The following MYO3B variants were observed in gnomAD, a reference collection of about 807,000 sequenced individuals.
The protein encoded by MYO3B is myosin-IIIb.
MYO3B carries 156 observed loss-of-function variants against 174.6 expected under a neutral mutation model. The observed-to-expected ratio is 0.89, with a 90% CI of 0.78 to 1.02. The LOEUF (loss-of-function observed/expected upper bound fraction) is 1.02. Ranked by LOEUF, MYO3B falls within the 50% of genes least tolerant of loss-of-function variation. The probability of loss-of-function intolerance (pLI) is 0.00; values close to 1 mark genes in which losing one functional copy is unlikely to be tolerated. For missense variants in MYO3B, 1,632 were observed against 1,639.4 expected (o/e 1.00, Z 0.08); for synonymous variants, 563 against 569.1 (o/e 0.99, Z 0.15).
At chr2:170,608,553 G>A (rs928982765) in intron 32 of MYO3B, among the ~76,000 whole-genome samples, 3 of 151,932 alleles carry the variant, frequency 2.0e-5, no homozygotes, top group East Asian at 1.9e-4. Context: ...TCTTGTTACC[G>A]TTTACATGTC....
chr2:170,297,606 C>A (rs968191058), intron 7 of MYO3B, among the ~76,000 whole-genome samples: 4 of 152,040 alleles, frequency 2.6e-5, no homozygotes, highest in Non-Finnish European at 5.9e-5. Flanking sequence ...AATGTGATTG[C>A]GATTATCCCC....
chr2:170,533,506 C>T (rs1689488580), intron 30 of MYO3B, among the ~76,000 whole-genome samples: 1 of 152,018 alleles, frequency 6.6e-6, no homozygotes, highest in Non-Finnish European at 1.5e-5. Flanking sequence ...TCTGAAGTTT[C>T]CTTTTTCTCT....
At chr2:170,577,185 G>A (rs1692837251) in intron 32 of MYO3B, among the ~76,000 whole-genome samples, 1 of 152,234 alleles carries the variant, frequency 6.6e-6, no homozygotes, top group African/African-American at 2.4e-5. Context: ...GTTGTGAGGA[G>A]AAAGAGCAAA....
At chr2:170,330,976 C>A (rs2093907776) in intron 7 of MYO3B, among the ~76,000 whole-genome samples, 1 of 152,144 alleles carries the variant, frequency 6.6e-6, no homozygotes, top group Non-Finnish European at 1.5e-5. Flanking sequence ...TGAATTCATT[C>A]AAAAAATTTA....
At chr2:170,602,095 C>G (rs1448930195) in intron 32 of MYO3B, 1 of 1,175,214 alleles carries the variant, frequency 8.5e-7, no homozygotes, top group Non-Finnish European at 1.3e-6. Context: ...CCTCTCTGAG[C>G]ACTTCTTAGA....
chr2:170,525,632 G>A (rs1688950401), intron 30 of MYO3B, among the ~76,000 whole-genome samples: 1 of 152,166 alleles, frequency 6.6e-6, no homozygotes, highest in South Asian at 2.1e-4. Context: ...AGAGTGATGG[G>A]AACCTCCGTG....
intron 32 of MYO3B, among the ~76,000 whole-genome samples, chr2:170,578,711 G>A (rs146078212): frequency 7.2e-4 from 109 of 152,192 alleles, no homozygotes; most frequent in African/African-American, 2.5e-3. Flanking sequence ...AAATATTTCC[G>A]ATGTTCACTG....
At chr2:170,413,805 C>T (rs2094560871) in intron 22 of MYO3B, among the ~76,000 whole-genome samples, 2 of 151,852 alleles carry the variant, frequency 1.3e-5, no homozygotes, top group Non-Finnish European at 2.9e-5. Flanking sequence ...TTTGGGAGGC[C>T]GAGGCGGGTG....
At chr2:170,351,216 T>C (rs2094065377) in intron 8 of MYO3B, 1 of 152,078 alleles carries the variant, frequency 6.6e-6, no homozygotes, top group South Asian at 2.1e-4. Context: ...GTAAAAAGAC[T>C]AACAGGGCTC....
chr2:170,367,177 T>C (rs1475064617), intron 8 of MYO3B, among the ~76,000 whole-genome samples: 2 of 152,210 alleles, frequency 1.3e-5, no homozygotes, highest in Admixed American at 1.3e-4. Context: ...GTCCTTTTGT[T>C]CATTCTTTCT....
At chr2:170,376,447 C>T (rs6707288) in intron 9 of MYO3B, among the ~76,000 whole-genome samples, 14,518 of 152,130 alleles carry the variant, frequency 0.095, 1,628 homozygotes, top group African/African-American at 0.26. Flanking sequence ...ACTCTATTCT[C>T]AGTTTTGAGT....
intron 12 of MYO3B, among the ~76,000 whole-genome samples, chr2:170,384,109 C>T (rs563323126): frequency 3.3e-5 from 5 of 152,238 alleles, no homozygotes; most frequent in South Asian, 2.1e-4. Flanking sequence ...ACAGTGCAAA[C>T]GCAACCTGAT....
At chr2:170,629,170 G>T (rs1055456649) in intron 32 of MYO3B, among the ~76,000 whole-genome samples, 1 of 152,222 alleles carries the variant, frequency 6.6e-6, no homozygotes, top group Non-Finnish European at 1.5e-5. Flanking sequence ...GGCATAAACT[G>T]TCAAAAGTTT....
At position 170,542,945 on chromosome 2, in the gene MYO3B, C is replaced by CT; in HGVS notation, c.3617dup (p.Ala1207ArgfsTer13). The CT allele has an allele frequency of 1.9e-6, 3 of 1,610,068 alleles. No homozygotes were observed. The highest frequency in any genetic ancestry group is 2.5e-6 in the Non-Finnish European group (3 of 1,177,796). The stretch of plus-strand genomic sequence containing the variant: ...AGAGTTCTCCAAAAGGGTGCGATAT[C>CT]TTCGCAGGACATGCAAACAAGGTAG... On this transcript the variant is annotated frameshift_variant, in exon 31 of 35. Coordinates refer to ENST00000408978, the MANE Select transcript of MYO3B (RefSeq NM_138995.5). LOFTEE classifies it high-confidence loss of function.
At chr2:170,443,544 T>C (rs931949252) in intron 22 of MYO3B, among the ~76,000 whole-genome samples, 26 of 152,290 alleles carry the variant, frequency 1.7e-4, no homozygotes, top group African/African-American at 6.3e-4. Context: ...GCTTTTGGTG[T>C]TTTAGTCATG....
At chr2:170,512,904 T>G (rs1231336743) in intron 28 of MYO3B, among the ~76,000 whole-genome samples, 4 of 152,210 alleles carry the variant, frequency 2.6e-5, no homozygotes, top group Admixed American at 2.0e-4. Context: ...CCTCCCCTTG[T>G]CTCAATTTCC....
intron 22 of MYO3B, among the ~76,000 whole-genome samples, chr2:170,420,516 C>T (rs1184923747): frequency 6.6e-6 from 1 of 152,116 alleles, no homozygotes; most frequent in Non-Finnish European, 1.5e-5. Context: ...GGGATTTCTT[C>T]CAGCACCAGC....
intron 7 of MYO3B, among the ~76,000 whole-genome samples, chr2:170,315,688 A>T (rs192252958): frequency 1.3e-5 from 2 of 152,360 alleles, no homozygotes; most frequent in Non-Finnish European, 2.9e-5. Flanking sequence ...AATGTTTTAC[A>T]TGAATCATTT....
In MYO3B at chr2:170,194,988, C is replaced by A. The variant is rs578121212; in HGVS notation, c.3-4220C>A. Among the ~76,000 whole-genome samples, 15 of 152,180 alleles carry A rather than the reference C, an allele frequency of 9.9e-5. No homozygotes were observed. The East Asian group carries it at 2.9e-3, about 29-fold the overall frequency. ...AGTCCAGAAGACTCAGCAAGTCTAG[C>A]CCTTCCGCGTTCTTCTGCTTGCTTT... On this transcript the variant is annotated intron_variant, in intron 1 of 34. Coordinates refer to ENST00000408978, the MANE Select transcript of MYO3B (RefSeq NM_138995.5).
Sources: allele counts gnomAD v4.1 joint callset (sites outside exome capture counted in the v4.1 genomes callset), GRCh38; gene constraint gnomAD v4.1.1; transcripts MANE v1.5; gene names NCBI Gene and HGNC (gene_info 2026-07-23, HGNC 2026-07-21).